The following GRM7 variants were observed in gnomAD, a reference collection of about 807,000 sequenced individuals.
The protein encoded by GRM7 is metabotropic glutamate receptor 7.
In GRM7, 35 loss-of-function variants were observed where a neutral mutation model predicts 84.5. The ratio of observed to expected loss-of-function variants is 0.41; its 90% confidence interval spans 0.32 to 0.55. The LOEUF is 0.55. Among genes scored for constraint, GRM7 ranks in the 20% least tolerant of loss-of-function variants. The pLI is 0.19. For missense variants in GRM7, 1,003 were observed against 1,194.6 expected, an observed-to-expected ratio of 0.84 and a Z score of 2.36; for synonymous variants, 487 against 455.1, an observed-to-expected ratio of 1.07 and a Z score of -0.89.
chr3:7,541,854 C>T (rs944778754), intron 7 of GRM7, among the ~76,000 whole-genome samples: 1 of 152,150 alleles, frequency 6.6e-6, no homozygotes, highest in Non-Finnish European at 1.5e-5. Flanking sequence ...TGTATTATTT[C>T]ACAATTCTCA....
chr3:7,591,094 T>G (rs1695760006), intron 8 of GRM7, among the ~76,000 whole-genome samples: 1 of 152,176 alleles, frequency 6.6e-6, no homozygotes. Context: ...GAGAGAGCCA[T>G]GTACACTAAT....
chr3:7,081,109 T>C (rs1036277436), intron 1 of GRM7, among the ~76,000 whole-genome samples: 2 of 152,074 alleles, frequency 1.3e-5, no homozygotes, highest in African/African-American at 4.8e-5. Flanking sequence ...AAAATAGTTA[T>C]GGTACAGAGT....
intron 1 of GRM7, among the ~76,000 whole-genome samples, chr3:6,899,275 A>C (rs1363251350): frequency 6.6e-6 from 1 of 152,218 alleles, no homozygotes; most frequent in Non-Finnish European, 1.5e-5. Context: ...ATTAATGAGG[A>C]AAGTATCAAA....
chr3:7,316,718 T>C (rs556044648), intron 4 of GRM7, among the ~76,000 whole-genome samples: 11 of 152,214 alleles, frequency 7.2e-5, no homozygotes, highest in African/African-American at 2.2e-4. Context: ...GAGATACTTA[T>C]TAGACATCCA....
chr3:7,561,241 G>A (rs948129921), intron 7 of GRM7, among the ~76,000 whole-genome samples: 16 of 152,034 alleles, frequency 1.1e-4, no homozygotes, highest in African/African-American at 3.6e-4. Flanking sequence ...CATCCTCAGA[G>A]TCTCTGCTCC....
At chr3:7,733,441 A>C (rs1458965370) in intron 9 of GRM7, among the ~76,000 whole-genome samples, 1 of 152,102 alleles carries the variant, frequency 6.6e-6, no homozygotes, top group Non-Finnish European at 1.5e-5. Context: ...TGGTGGCTCC[A>C]CCCCATTCCC....
At chr3:7,652,271 A>G (rs1698979420) in intron 8 of GRM7, among the ~76,000 whole-genome samples, 1 of 152,202 alleles carries the variant, frequency 6.6e-6, no homozygotes. Context: ...GCAAAAAGGG[A>G]CATGTGGTCA....
At chr3:7,055,116 A>G (rs768469969) in intron 1 of GRM7, among the ~76,000 whole-genome samples, 99 of 151,860 alleles carry the variant, frequency 6.5e-4, no homozygotes, top group Admixed American at 1.5e-3. Flanking sequence ...ATGCAAATCT[A>G]TTGCCTTTGG....
intron 8 of GRM7, among the ~76,000 whole-genome samples, chr3:7,677,071 C>T (rs1276990625): frequency 6.6e-6 from 1 of 151,810 alleles, no homozygotes; most frequent in African/African-American, 2.4e-5. Context: ...ACCATCCTGG[C>T]TAACACGGTG....
Position 7,330,600 on chromosome 3 carries a change from A to G in GRM7, c.1033+23948A>G, listed in dbSNP as rs558337940. 1.2e-4 allele frequency among the ~76,000 whole-genome samples: 18 copies of G among 152,322 alleles called. No homozygotes were observed. The South Asian group carries it at 2.9e-3, about 25-fold the overall frequency. On this transcript the variant is annotated intron_variant, in intron 4 of 9. Transcript: ENST00000357716. ...GTTCTTGTGGTAGTGAATAAGTCTC[A>G]GAAGATCTGATGGCTTTATAAGGGC...
rs148298277 is a variant in GRM7 at position 7,055,477 on chromosome 3, C to CTGTGTG, written c.520-90951_520-90946dup. Among the ~76,000 whole-genome samples the CTGTGTG allele has an allele frequency of 7.1e-3, 1,021 of 143,656 alleles. 13 individuals carry two copies. Among genetic ancestry groups the CTGTGTG allele is most frequent in the African/African-American group, 0.024 (938 of 39,246 alleles). 94.2% of individuals were successfully genotyped at this position (143,656 alleles called of 152,430 possible). ...TTTTATATATAAATATTTTATATAT[C>CTGTGTG]TGTGTGTGTGTGTGTGTGTGTGTGT... On this transcript the variant is annotated intron_variant, in intron 1 of 9. Transcript: ENST00000357716.
At position 7,567,747 on chromosome 3, in the gene GRM7, C is replaced by CAAAAAAAAAAAAA. The variant is rs1176146756; in HGVS notation, c.1516-10649_1516-10637dup. On this transcript the variant is annotated intron_variant, in intron 7 of 9. Coordinates refer to ENST00000357716, the MANE Select transcript of GRM7 (RefSeq NM_000844.4). Reference sequence around the variant, plus strand: ...TGGGTGACAGAGTGAGACTCCATCTCAAAAAAAAAAAAAAAAAAAAAAAAA... The same window carrying CAAAAAAAAAAAAA: ...TGGGTGACAGAGTGAGACTCCATCTCAAAAAAAAAAAAAAAAAAAAAAAAAAAAAAAAAAAAAA... 1.5e-4 allele frequency among the ~76,000 whole-genome samples: 7 copies of CAAAAAAAAAAAAA among 45,824 alleles called. 2 individuals carry two copies. Among genetic ancestry groups the CAAAAAAAAAAAAA allele is most frequent in the Admixed American group, 5.7e-4 (2 of 3,504 alleles). The allele number at this position is 45,824 out of a possible 152,430, so 30.1% of individuals were successfully genotyped here.
intron 4 of GRM7, among the ~76,000 whole-genome samples, chr3:7,340,557 A>G (rs1232676233): frequency 6.6e-6 from 1 of 152,116 alleles, no homozygotes; most frequent in East Asian, 1.9e-4. Context: ...ACACCTGGGG[A>G]TTACAATTCA....
At chr3:7,037,876 C>G (rs1185202025) in intron 1 of GRM7, among the ~76,000 whole-genome samples, 1 of 152,020 alleles carries the variant, frequency 6.6e-6, no homozygotes, top group African/African-American at 2.4e-5. Context: ...TTTCCAAGTC[C>G]CTAGTTATTA....
chr3:7,294,954 GC>G (rs1204137833), intron 2 of GRM7, among the ~76,000 whole-genome samples: 2 of 152,082 alleles, frequency 1.3e-5, no homozygotes, highest in Admixed American at 6.6e-5. Flanking sequence ...CAAGTGTCTG[GC>G]TTGTGCTTTC....
rs182332453 is a variant in GRM7, at chr3:7,208,494, A to T, written c.736+61826A>T. 3.3e-5 allele frequency among the ~76,000 whole-genome samples: 5 copies of T among 152,168 alleles called. No homozygotes were observed. In the South Asian group the frequency reaches 6.2e-4, roughly 19 times the overall value. On this transcript the variant is annotated intron_variant, in intron 2 of 9. Coordinates refer to ENST00000357716, the MANE Select transcript of GRM7 (RefSeq NM_000844.4). ...GATACAGATTTATTTTAAAAAATCT[A>T]TATTGAGCCCCTTCTGTGTATCAGG... is the stretch of plus-strand genomic sequence containing the variant.
chr3:7,056,572 C>G (rs927191625), intron 1 of GRM7, among the ~76,000 whole-genome samples: 6 of 151,948 alleles, frequency 3.9e-5, no homozygotes, highest in Non-Finnish European at 7.4e-5. Context: ...AATAAGTATA[C>G]ACAGTTGTGC....
intron 1 of GRM7, among the ~76,000 whole-genome samples, chr3:7,075,819 C>G (rs1262373107): frequency 2.0e-5 from 3 of 152,072 alleles, no homozygotes; most frequent in Non-Finnish European, 4.4e-5. Context: ...AGCCACTGTG[C>G]CTGGCTAGAT....
intron 7 of GRM7, among the ~76,000 whole-genome samples, chr3:7,534,533 G>C (rs887336486): frequency 6.6e-6 from 1 of 152,050 alleles, no homozygotes; most frequent in Non-Finnish European, 1.5e-5. Flanking sequence ...TCATTTCTTA[G>C]ATGAGGAAAC....
Sources: gnomAD v4.1 joint callset for allele counts (sites outside exome capture counted in the v4.1 genomes callset) on GRCh38, gnomAD v4.1.1 for gene constraint, MANE v1.5 for transcripts, NCBI Gene and HGNC (gene_info 2026-07-23, HGNC 2026-07-21) for gene names.